Variants in LORICRIN observed in about 807,000 individuals in gnomAD.
The protein encoded by LORICRIN is loricrin cornified envelope precursor protein.
LORICRIN carries 5 observed loss-of-function variants against 3.3 expected under a neutral mutation model. That is an observed-to-expected ratio of 1.52 (90% CI 0.79 to 3.19). The LOEUF is 3.19. Ranked by LOEUF, LORICRIN falls within the 30% of genes most tolerant of loss-of-function variation. The pLI, the probability that LORICRIN is intolerant of heterozygous loss-of-function variation, is 0.00. For missense variants in LORICRIN, 524 were observed against 460.2 expected, an observed-to-expected ratio of 1.14 and a Z score of -1.27; for synonymous variants, 237 against 231.4, an observed-to-expected ratio of 1.02 and a Z score of -0.22.
In LORICRIN at chr1:153,261,027, C is replaced by CGGCGGCAGCGGCGGTGGT. The variant is rs1553191218; in HGVS notation, c.82_99dup (p.Gly28_Gly33dup). ...AGACCTCTGGCGGCGGTGGCGGTGG[C>CGGCGGCAGCGGCGGTGGT]GGCGGCAGCGGCGGTGGTGGCTGCG... On this transcript the variant is annotated inframe_insertion, in exon 2 of 2. Coordinates refer to ENST00000368742, the MANE Select transcript of LORICRIN (RefSeq NM_000427.3). 29 of 1,557,830 alleles carry CGGCGGCAGCGGCGGTGGT rather than the reference C, an allele frequency of 1.9e-5. No homozygotes were observed. The highest frequency in any genetic ancestry group is 2.4e-5 in the Non-Finnish European group (27 of 1,147,936).
chr1:153,260,567 A>G (rs932580936), intron 1 of LORICRIN, among the ~76,000 whole-genome samples: 2 of 152,324 alleles, frequency 1.3e-5, no homozygotes, highest in Admixed American at 1.3e-4. Flanking sequence ...TCAGAGAATC[A>G]GTGTTGAGAT....
chr1:153,261,371 C>A lies in LORICRIN; in HGVS notation c.422C>A (p.Ser141Tyr). ...GGGGGCGGCTCCTCCGGGGGCGGCT[C>A]CGGCTGCTTCTCCTCCGGCGGCGGC... The part of the protein sequence containing the change: ...SGGGGSSGGG[S>Y]GCFSSGGGGF... Residue 141 changes from serine to tyrosine, a missense_variant, in exon 2 of 2, where the codon TCC becomes TAC. Ser to Tyr is a moderately radical substitution (Grantham distance 144, BLOSUM62 -2). Transcript: ENST00000368742. 6.9e-7 allele frequency: 1 copy of A among 1,452,852 alleles called. No homozygotes were observed. The highest frequency in any genetic ancestry group is 1.7e-5 in the African/African-American group (1 of 59,336). The allele number at this position is 1,452,852 out of a possible 1,614,324, so 90.0% of individuals were successfully genotyped here. A position where few individuals can be genotyped will look rare whatever the true frequency, so the allele number is the denominator to read the frequency against.
At position 153,261,092 on chromosome 1, in the gene LORICRIN, GTTC is replaced by G; in HGVS notation, c.145_147del (p.Ser49del). On this transcript the variant is annotated inframe_deletion, in exon 2 of 2. Transcript: ENST00000368742. ...GGCGGCTCAGGGGGCGGTAGCAGCG[GTTC>G]TGGCTGCGGCTACTCCGGCGGCGGT... 3 of 1,458,974 alleles carry G rather than the reference GTTC, an allele frequency of 2.1e-6. No individual in the cohort carries two copies. Among genetic ancestry groups the G allele is most frequent in the Non-Finnish European group, 2.7e-6 (3 of 1,104,430 alleles). 90.4% of individuals were successfully genotyped at this position (1,458,974 alleles called of 1,614,324 possible). A position where few individuals can be genotyped will look rare whatever the true frequency, so the allele number is the denominator to read the frequency against.
intron 1 of LORICRIN, among the ~76,000 whole-genome samples, chr1:153,260,264 T>A (rs1172828541): frequency 6.6e-6 from 1 of 152,176 alleles, no homozygotes. Context: ...GAGAAAATCA[T>A]GGAAGAGATG....
chr1:153,261,865 G>A lies in LORICRIN; in HGVS notation c.916G>A (p.Ala306Thr), dbSNP rs1259314355. 6.2e-7 allele frequency: 1 copy of A among 1,611,514 alleles called. No homozygotes were observed. Among genetic ancestry groups the A allele is most frequent in the African/African-American group, 1.3e-5 (1 of 74,882 alleles). Residue 306 changes from alanine to threonine, a missense_variant, in exon 2 of 2, where the codon GCG (alanine) becomes ACG (threonine). By Grantham distance (58) the Ala-to-Thr change is moderately conservative. Transcript: ENST00000368742. The stretch of plus-strand genomic sequence containing the variant: ...CTGCCACCAGACCCAGCAGAAGCAG[G>A]CGCCTACCTGGCCGTCCAAATAGAT... ...PICHQTQQKQ[A>T]PTWPSK is the part of the protein sequence containing the mutation.
chr1:153,261,801 C>T lies in LORICRIN; in HGVS notation c.852C>T (p.Ser284=). 6.2e-7 allele frequency: 1 copy of T among 1,608,634 alleles called. No individual in the cohort carries two copies. The highest frequency in any genetic ancestry group is 1.1e-5 in the South Asian group (1 of 90,426). Residue 284 remains serine, a synonymous_variant, in exon 2 of 2, where the codon TCC becomes TCT. Transcript: ENST00000368742. Reference sequence around the variant, plus strand: ...CCTCTGGAGGCGGCGGCGGCGGCTCCTCCGTGGGTGGCTCCGGGAGTGGCA... The same window carrying T: ...CCTCTGGAGGCGGCGGCGGCGGCTCTTCCGTGGGTGGCTCCGGGAGTGGCA... ...GGSSGGGGGG[S]SVGGSGSGKG...
Position 153,261,155 on chromosome 1 carries a change from CCGGCGG to C in LORICRIN, c.210_215del (p.Gly75_Gly76del), listed in dbSNP as rs1201532481. On this transcript the variant is annotated inframe_deletion, in exon 2 of 2. Coordinates refer to ENST00000368742, the MANE Select transcript of LORICRIN (RefSeq NM_000427.3). Reference sequence around the variant, plus strand: ...GGCGGCGGCTGCGGCGGGGGCTCCTCCGGCGGCGGGGGCGGGGGCGGCATTGGAGGC... The same window carrying C: ...GGCGGCGGCTGCGGCGGGGGCTCCTCCGGGGGCGGGGGCGGCATTGGAGGC... The C allele has an allele frequency of 1.5e-6, 2 of 1,331,518 alleles. No individual in the cohort carries two copies. Among genetic ancestry groups the C allele is most frequent in the African/African-American group, 3.2e-5 (2 of 61,552 alleles). 82.5% of individuals were successfully genotyped at this position (1,331,518 alleles called of 1,614,324 possible).
Position 153,260,988 on chromosome 1 carries a change from A to T in LORICRIN, c.39A>T (p.Pro13=), listed in dbSNP as rs374048010. Residue 13 remains proline (P), a synonymous_variant, in exon 2 of 2, where the codon CCA becomes CCT. Coordinates refer to ENST00000368742, the MANE Select transcript of LORICRIN (RefSeq NM_000427.3). ...YQKKQPTPQP[P]VDCVKTSGGG... is the part of the protein sequence containing the mutation. ...AAAAGCAGCCCACCCCTCAGCCCCC[A>T]GTGGACTGCGTGAAGACCTCTGGCG... 2 of 1,593,546 alleles carry T rather than the reference A, an allele frequency of 1.3e-6. No homozygotes were observed. The highest frequency in any genetic ancestry group is 1.7e-6 in the Non-Finnish European group (2 of 1,170,522).
intron 1 of LORICRIN, among the ~76,000 whole-genome samples, chr1:153,260,433 C>A (rs61555689): frequency 0.016 from 2,412 of 152,286 alleles, 66 homozygotes; most frequent in African/African-American, 0.055. Context: ...CTAAGAGCTT[C>A]TGCAGAGGAT....
At position 153,261,430 on chromosome 1, in the gene LORICRIN, T is replaced by G. The variant is rs1377766797; in HGVS notation, c.481T>G (p.Tyr161Asp). The change falls in exon 2 of 2, where the codon TAC becomes GAC. Residue 161 changes from tyrosine to aspartate, a missense_variant. Physicochemically the swap from Tyr to Asp is radical, Grantham distance 160 (BLOSUM62 -3). Coordinates refer to ENST00000368742, the MANE Select transcript of LORICRIN (RefSeq NM_000427.3). ...FSGQAVQCQS[Y>D]GGVSSGGSSG... ...GGGCCAGGCGGTCCAGTGCCAGAGC[T>G]ACGGAGGCGTCTCTAGCGGCGGCTC... 23 of 1,477,950 alleles carry G rather than the reference T, an allele frequency of 1.6e-5. No individual in the cohort carries two copies. Among genetic ancestry groups the G allele is most frequent in the Non-Finnish European group, 2.0e-5 (23 of 1,123,156 alleles). The allele number at this position is 1,477,950 out of a possible 1,614,324, so 91.6% of individuals were successfully genotyped here.
chr1:153,261,745 A>C lies in LORICRIN; in HGVS notation c.796A>C (p.Ser266Arg). The change falls in exon 2 of 2, where the codon AGT becomes CGT. Residue 266 changes from serine to arginine, a missense_variant. Coordinates refer to ENST00000368742, the MANE Select transcript of LORICRIN (RefSeq NM_000427.3). The part of the protein sequence containing the change: ...SSGIGSGCII[S>R]GGGSVCGGGS... ...CGGGATTGGCAGCGGCTGCATCATC[A>C]GTGGCGGGGGCTCCGTCTGCGGAGG... 1 of 1,585,520 alleles carries C rather than the reference A, an allele frequency of 6.3e-7. No homozygotes were observed. The highest frequency in any genetic ancestry group is 8.5e-7 in the Non-Finnish European group (1 of 1,169,692).
Position 153,261,161 on chromosome 1 carries a change from G to T in LORICRIN, c.212G>T (p.Gly71Val). The T allele has an allele frequency of 7.4e-7, 1 of 1,343,234 alleles. No individual in the cohort carries two copies. Among genetic ancestry groups the T allele is most frequent in the Non-Finnish European group, 9.5e-7 (1 of 1,057,594 alleles). The allele number at this position is 1,343,234 out of a possible 1,614,324, so 83.2% of individuals were successfully genotyped here. ...GGGCGGGSSG[G>V]GGGGGIGGCG... ...GGCTGCGGCGGGGGCTCCTCCGGCG[G>T]CGGGGGCGGGGGCGGCATTGGAGGC... is the stretch of plus-strand genomic sequence containing the variant. The change falls in exon 2 of 2, where the codon GGC becomes GTC. Residue 71 changes from glycine to valine, a missense_variant. By Grantham distance (109) the Gly-to-Val change is moderately radical. Coordinates refer to ENST00000368742, the MANE Select transcript of LORICRIN (RefSeq NM_000427.3).
chr1:153,260,172 T>C (rs1444108002), intron 1 of LORICRIN, among the ~76,000 whole-genome samples: 1 of 152,188 alleles, frequency 6.6e-6, no homozygotes. Context: ...AGAAATCCAA[T>C]TGCTGTTTTA....
chr1:153,261,021 CGGTGGCGGCGGCAGCGGCGGTGGT>C lies in LORICRIN; in HGVS notation c.75_98del (p.Gly26_Gly33del). ...GCGTGAAGACCTCTGGCGGCGGTGG[CGGTGGCGGCGGCAGCGGCGGTGGT>C]GGCTGCGGCTTCTTCGGCGGCGGCG... On this transcript the variant is annotated inframe_deletion, in exon 2 of 2. Coordinates refer to ENST00000368742, the MANE Select transcript of LORICRIN (RefSeq NM_000427.3). The C allele has an allele frequency of 6.4e-7, 1 of 1,565,852 alleles. No homozygotes were observed. The highest frequency in any genetic ancestry group is 8.7e-7 in the Non-Finnish European group (1 of 1,153,252).
In LORICRIN at chr1:153,261,939, C is replaced by T; in HGVS notation, c.*51C>T. ...AGGAGTTGGAGGTGTTTTCCAGGGG[C>T]ACCGATGGGCTTAGAGCTCTCATGA... On this transcript the variant is annotated 3_prime_UTR_variant, in exon 2 of 2. Transcript: ENST00000368742. 1 of 1,553,422 alleles carries T rather than the reference C, an allele frequency of 6.4e-7. No homozygotes were observed. The highest frequency in any genetic ancestry group is 2.3e-5 in the East Asian group (1 of 43,492).
Position 153,261,117 on chromosome 1 carries a change from C to T in LORICRIN, c.168C>T (p.Gly56=). 1 of 1,382,438 alleles carries T rather than the reference C, an allele frequency of 7.2e-7. No individual in the cohort carries two copies. Among genetic ancestry groups the T allele is most frequent in the Non-Finnish European group, 9.3e-7 (1 of 1,072,334 alleles). The allele number at this position is 1,382,438 out of a possible 1,614,324, so 85.6% of individuals were successfully genotyped here. ...SSGSGCGYSG[G]GGYSGGGCGG... is the part of the protein sequence containing the mutation. ...GTTCTGGCTGCGGCTACTCCGGCGG[C>T]GGTGGCTACTCTGGCGGCGGCTGCG... Residue 56 remains glycine, a synonymous_variant, in exon 2 of 2, where the codon GGC becomes GGT. Coordinates refer to ENST00000368742, the MANE Select transcript of LORICRIN (RefSeq NM_000427.3).
Position 153,261,144 on chromosome 1 carries a change from C to T in LORICRIN, c.195C>T (p.Gly65=). ...GTGGCTACTCTGGCGGCGGCTGCGG[C>T]GGGGGCTCCTCCGGCGGCGGGGGCG... ...GGGGYSGGGC[G]GGSSGGGGGG... Residue 65 remains glycine, a synonymous_variant, in exon 2 of 2, where the codon GGC becomes GGT. Coordinates refer to ENST00000368742, the MANE Select transcript of LORICRIN (RefSeq NM_000427.3). 3 of 1,345,768 alleles carry T rather than the reference C, an allele frequency of 2.2e-6. No homozygotes were observed. Among genetic ancestry groups the T allele is most frequent in the South Asian group, 3.9e-5 (2 of 51,226 alleles). The allele number at this position is 1,345,768 out of a possible 1,614,324, so 83.4% of individuals were successfully genotyped here.
Position 153,261,098 on chromosome 1 carries a change from G to C in LORICRIN, c.149G>C (p.Gly50Ala). 2 of 1,436,442 alleles carry C rather than the reference G, an allele frequency of 1.4e-6. No homozygotes were observed. The highest frequency in any genetic ancestry group is 1.8e-6 in the Non-Finnish European group (2 of 1,094,574). 89.0% of individuals were successfully genotyped at this position (1,436,442 alleles called of 1,614,324 possible). ...TCAGGGGGCGGTAGCAGCGGTTCTG[G>C]CTGCGGCTACTCCGGCGGCGGTGGC... ...GGSGGGSSGS[G>A]CGYSGGGGYS... Residue 50 changes from glycine (G) to alanine (A), a missense_variant, in exon 2 of 2, where the codon GGC (glycine) becomes GCC (alanine). Coordinates refer to ENST00000368742, the MANE Select transcript of LORICRIN (RefSeq NM_000427.3).
In LORICRIN at chr1:153,261,986, C is replaced by T. The variant is rs1454188182; in HGVS notation, c.*98C>T. The T allele has an allele frequency of 7.8e-7, 1 of 1,288,218 alleles. No homozygotes were observed. The highest frequency in any genetic ancestry group is 1.1e-6 in the Non-Finnish European group (1 of 906,510). The allele number at this position is 1,288,218 out of a possible 1,614,324, so 79.8% of individuals were successfully genotyped here. ...ATGATGCTACCCGAGGTTTGCAAAT[C>T]CTTCATGTCTTAACCTACCTGGAAG... On this transcript the variant is annotated 3_prime_UTR_variant, in exon 2 of 2. Coordinates refer to ENST00000368742, the MANE Select transcript of LORICRIN (RefSeq NM_000427.3).
Sources: allele counts gnomAD v4.1 joint callset (sites outside exome capture counted in the v4.1 genomes callset), GRCh38; gene constraint gnomAD v4.1.1; transcripts MANE v1.5; gene names NCBI Gene and HGNC (gene_info 2026-07-23, HGNC 2026-07-21).